The following LINGO2 variants were observed in gnomAD, a reference collection of about 807,000 sequenced individuals.
The protein encoded by LINGO2 is leucine rich repeat and Ig domain containing 2, also known as leucine-rich repeat and immunoglobulin-like domain-containing nogo receptor-interacting protein 2.
In LINGO2, 14 loss-of-function variants were observed where a neutral mutation model predicts 30.6. The observed-to-expected ratio is 0.46, with a 90% CI of 0.30 to 0.72. The LOEUF (loss-of-function observed/expected upper bound fraction) is 0.72, where lower values mean the gene tolerates loss of function less well. Ranked by LOEUF, LINGO2 falls within the 30% of genes least tolerant of loss-of-function variation. The pLI is 0.07. For missense variants in LINGO2, 729 were observed against 751.7 expected, an observed-to-expected ratio of 0.97 and a Z score of 0.35; for synonymous variants, 317 against 288.5, an observed-to-expected ratio of 1.10 and a Z score of -1.00.
chr9:28,722,724 A>G, the LINGO2 span, among the ~76,000 whole-genome samples: 1 of 152,150 alleles, frequency 6.6e-6, no homozygotes, highest in Non-Finnish European at 1.5e-5. Context: ...GGCACTGGGA[A>G]TATGCGACAA....
chr9:28,629,937 A>C (rs1826857035), intron 1 of LINGO2, among the ~76,000 whole-genome samples: 1 of 146,108 alleles, frequency 6.8e-6, no homozygotes. Flanking sequence ...CCGACCCCAC[A>C]ACAGTCCCCA....
At chr9:27,947,385 G>GA (rs1364767807), downstream of LINGO2, among the ~76,000 whole-genome samples, 1 of 151,640 alleles carries the variant, frequency 6.6e-6, no homozygotes, top group African/African-American at 2.4e-5. Flanking sequence ...TCAGAGAGAG[G>GA]AAAAAAAATC....
At chr9:28,869,009 A>T in the LINGO2 span, among the ~76,000 whole-genome samples, 1 of 152,108 alleles carries the variant, frequency 6.6e-6, no homozygotes, top group African/African-American at 2.4e-5. Context: ...TTAGCTCAGG[A>T]CTATTTGTTA....
chr9:28,736,612 G>A, the LINGO2 span, among the ~76,000 whole-genome samples: 9 of 151,990 alleles, frequency 5.9e-5, no homozygotes, highest in African/African-American at 2.2e-4. Flanking sequence ...TCAATATGGC[G>A]AAACCCCATC....
At chr9:28,804,372 A>T in the LINGO2 span, among the ~76,000 whole-genome samples, 1 of 152,092 alleles carries the variant, frequency 6.6e-6, no homozygotes, top group Admixed American at 6.6e-5. Flanking sequence ...TTTAGATGTT[A>T]ATTAGGTACT....
At chr9:28,749,608 T>A in the LINGO2 span, among the ~76,000 whole-genome samples, 2 of 151,808 alleles carry the variant, frequency 1.3e-5, no homozygotes, top group African/African-American at 2.4e-5. Flanking sequence ...ATAAAAAAAA[T>A]TATCTCATAA....
At chr9:28,405,048 AAGG>A (rs1443077629) in intron 2 of LINGO2, among the ~76,000 whole-genome samples, 1 of 152,094 alleles carries the variant, frequency 6.6e-6, no homozygotes, top group African/African-American at 2.4e-5. Context: ...CTAACTCAAT[AAGG>A]AGAAGTGTGC....
chr9:28,052,808 A>C (rs1388520215), intron 4 of LINGO2, among the ~76,000 whole-genome samples: 1 of 152,112 alleles, frequency 6.6e-6, no homozygotes, highest in African/African-American at 2.4e-5. Flanking sequence ...GACATTTGGC[A>C]TCAAAGGGTT....
chr9:29,151,852 C>T, the LINGO2 span, among the ~76,000 whole-genome samples: 1 of 151,994 alleles, frequency 6.6e-6, no homozygotes, highest in South Asian at 2.1e-4. Context: ...AGGCAGAAAA[C>T]AAACAAATAA....
intron 1 of LINGO2, among the ~76,000 whole-genome samples, chr9:28,523,405 A>C (rs1820897818): frequency 6.6e-6 from 1 of 152,184 alleles, no homozygotes; most frequent in South Asian, 2.1e-4. Context: ...TAAGACAAGG[A>C]TATTCACATT....
At chr9:28,763,735 C>A in the LINGO2 span, among the ~76,000 whole-genome samples, 1 of 151,088 alleles carries the variant, frequency 6.6e-6, no homozygotes, top group Admixed American at 6.6e-5. Flanking sequence ...ATCAACAAAA[C>A]TGAGAGTGAA....
At position 28,297,613 on chromosome 9, in the gene LINGO2, A is replaced by T. The variant is rs72709359; in HGVS notation, c.-245-2247T>A. On this transcript the variant is annotated intron_variant, in intron 3 of 5. Transcript: ENST00000379992. ...AGCTGGGAAATTCATGAGGTTTGTC[A>T]GTGAGTAGAGCACTATAGGCCAAGG... Among the ~76,000 whole-genome samples the T allele has an allele frequency of 6.2e-3, 948 of 152,328 alleles. 5 individuals are homozygous for T. The highest frequency in any genetic ancestry group is 0.024 in the Middle Eastern group (7 of 294).
chr9:28,990,634 G>A, the LINGO2 span, among the ~76,000 whole-genome samples: 17 of 152,194 alleles, frequency 1.1e-4, no homozygotes, highest in Middle Eastern at 3.4e-3. Context: ...CACCTCACAC[G>A]GCCGGGTACT....
At chr9:28,117,286 G>A (rs1176614407) in intron 4 of LINGO2, among the ~76,000 whole-genome samples, 21 of 149,908 alleles carry the variant, frequency 1.4e-4, no homozygotes, top group African/African-American at 2.7e-4. Flanking sequence ...CTCCGGCTGC[G>A]TGCTGGGAGA....
At chr9:28,336,535 T>C (rs1002996710) in intron 3 of LINGO2, among the ~76,000 whole-genome samples, 17 of 152,168 alleles carry the variant, frequency 1.1e-4, no homozygotes, top group African/African-American at 3.9e-4. Context: ...GAAAATTTTA[T>C]GGTTTTATAT....
chr9:28,986,786 A>G, the LINGO2 span, among the ~76,000 whole-genome samples: 3 of 152,070 alleles, frequency 2.0e-5, no homozygotes, highest in Non-Finnish European at 4.4e-5. Flanking sequence ...AACCTAATTT[A>G]GAATAAAGTT....
chr9:28,784,750 G>A, the LINGO2 span, among the ~76,000 whole-genome samples: 20 of 152,142 alleles, frequency 1.3e-4, no homozygotes, highest in African/African-American at 2.2e-4. Flanking sequence ...TCAGGAGATC[G>A]AGACCATCCT....
the LINGO2 span, among the ~76,000 whole-genome samples, chr9:29,028,155 A>G: frequency 6.6e-6 from 1 of 152,300 alleles, no homozygotes; most frequent in Non-Finnish European, 1.5e-5. Flanking sequence ...AGACTATGGT[A>G]GAAAACAATC....
chr9:28,537,398 T>A (rs1277642547), intron 1 of LINGO2, among the ~76,000 whole-genome samples: 1 of 152,180 alleles, frequency 6.6e-6, no homozygotes, highest in African/African-American at 2.4e-5. Flanking sequence ...TGCTAATATT[T>A]AGAATACCAA....
Sources: gnomAD v4.1 joint callset for allele counts (sites outside exome capture counted in the v4.1 genomes callset) on GRCh38, gnomAD v4.1.1 for gene constraint, MANE v1.5 for transcripts, NCBI Gene and HGNC (gene_info 2026-07-23, HGNC 2026-07-21) for gene names.